MGAT5: variants seen among roughly 807,000 people sequenced by gnomAD.
MGAT5 encodes alpha-1,6-mannosylglycoprotein 6-beta-N-acetylglucosaminyltransferase A.
Under a neutral mutation model 94.3 loss-of-function variants are expected in MGAT5, and 30 were observed. That is an observed-to-expected ratio of 0.32 (90% CI 0.24 to 0.43). The LOEUF (loss-of-function observed/expected upper bound fraction) is 0.43, where lower values mean the gene tolerates loss of function less well. Among genes scored for constraint, MGAT5 ranks in the 20% least tolerant of loss-of-function variants. The probability of loss-of-function intolerance (pLI) is 1.00; values close to 1 mark genes in which losing one functional copy is unlikely to be tolerated. For missense variants in MGAT5, 691 were observed against 905.5 expected (o/e 0.76, Z 3.04); for synonymous variants, 310 against 322.9 (o/e 0.96, Z 0.43).
intron 1 of MGAT5, among the ~76,000 whole-genome samples, chr2:134,166,877 C>T (rs1040693799): frequency 6.6e-6 from 1 of 152,142 alleles, no homozygotes; most frequent in African/African-American, 2.4e-5. Flanking sequence ...AGGGAATTCA[C>T]TTAGATAAAT....
intron 1 of MGAT5, among the ~76,000 whole-genome samples, chr2:134,266,160 C>CA (rs371430614): frequency 0.44 from 48,939 of 112,380 alleles, 10,438 homozygotes; most frequent in African/African-American, 0.54. Context: ...GACTCCATCT[C>CA]AAAAAAAAAA....
At chr2:134,291,712 T>C (rs1430738063) in intron 2 of MGAT5, among the ~76,000 whole-genome samples, 1 of 152,202 alleles carries the variant, frequency 6.6e-6, no homozygotes, top group East Asian at 1.9e-4. Flanking sequence ...GAGAGCCCTG[T>C]AAGGCAAGTT....
At chr2:134,311,693 C>G (rs182118192) in intron 2 of MGAT5, among the ~76,000 whole-genome samples, 257 of 152,204 alleles carry the variant, frequency 1.7e-3, no homozygotes, top group African/African-American at 6.0e-3. Flanking sequence ...TTTTGAGATT[C>G]TTTTTGTAAC....
chr2:134,406,525 C>T (rs997138927), intron 11 of MGAT5, among the ~76,000 whole-genome samples: 2 of 152,194 alleles, frequency 1.3e-5, no homozygotes, highest in Non-Finnish European at 2.9e-5. Context: ...TCATGACTGA[C>T]TGTGCCACCC....
At chr2:134,125,811 A>G (rs1173840399) in intron 1 of MGAT5, among the ~76,000 whole-genome samples, 1 of 152,192 alleles carries the variant, frequency 6.6e-6, no homozygotes, top group Non-Finnish European at 1.5e-5. Context: ...AGTGACGTAT[A>G]TCCTTTGGAA....
In MGAT5 at chr2:134,402,977, T is replaced by C. The variant is rs1683139183; in HGVS notation, c.1381-11T>C. 1.9e-6 allele frequency: 3 copies of C among 1,580,494 alleles called. No homozygotes were observed. Among genetic ancestry groups the C allele is most frequent in the African/African-American group, 1.4e-5 (1 of 73,100 alleles). ...AAAAGAGAAATGTCTTGTGCTTGTT[T>C]TCTTCTTTAGAATAAGAAGATCTAC... On this transcript the variant is annotated splice_polypyrimidine_tract_variant and intron_variant, in intron 10 of 15. Transcript: ENST00000281923.
intron 1 of MGAT5, among the ~76,000 whole-genome samples, chr2:134,204,101 C>G (rs746141131): frequency 2.0e-5 from 3 of 152,180 alleles, no homozygotes; most frequent in Non-Finnish European, 4.4e-5. Context: ...CTTAATTAAC[C>G]ATGCTGTTTA....
intron 14 of MGAT5, among the ~76,000 whole-genome samples, chr2:134,434,714 T>G (rs1283357533): frequency 6.6e-6 from 1 of 152,142 alleles, no homozygotes; most frequent in Non-Finnish European, 1.5e-5. Context: ...CCCTATCTCC[T>G]GGAAGCCTTC....
rs1686168086 is a variant in MGAT5 at position 134,452,697 on chromosome 2, T to A, written c.*3850T>A. On this transcript the variant is annotated 3_prime_UTR_variant, in exon 16 of 16. Coordinates refer to ENST00000281923, the MANE Select transcript of MGAT5 (RefSeq NM_002410.5). ...AAAATTCTTGATTTAAAAAGAAAAG[T>A]CTATTTTGTTAACGACAGGCTCTGT... 1 of 152,194 alleles carries A rather than the reference T, an allele frequency of 6.6e-6. No homozygotes were observed. The highest frequency in any genetic ancestry group is 2.4e-5 in the African/African-American group (1 of 41,458). 9.4% of individuals were successfully genotyped at this position (152,194 alleles called of 1,614,324 possible).
At chr2:134,265,204 G>A (rs890625267) in intron 1 of MGAT5, among the ~76,000 whole-genome samples, 4 of 152,120 alleles carry the variant, frequency 2.6e-5, no homozygotes, top group South Asian at 2.1e-4. Context: ...CCTCAAATAC[G>A]GATTGATTTT....
At chr2:134,132,854 C>T (rs1458596447) in intron 1 of MGAT5, among the ~76,000 whole-genome samples, 1 of 152,224 alleles carries the variant, frequency 6.6e-6, no homozygotes, top group Non-Finnish European at 1.5e-5. Flanking sequence ...TCTCTGTTTA[C>T]TTGGAATCAA....
chr2:134,148,780 T>TTTTTG (rs1687042434), intron 1 of MGAT5, among the ~76,000 whole-genome samples: 1 of 149,948 alleles, frequency 6.7e-6, no homozygotes, highest in African/African-American at 2.5e-5. Context: ...TTTTTTTTTT[T>TTTTTG]GAGACAGAGT....
intron 2 of MGAT5, among the ~76,000 whole-genome samples, chr2:134,315,448 A>G (rs184780331): frequency 2.6e-5 from 4 of 152,216 alleles, no homozygotes; most frequent in Admixed American, 1.3e-4. Context: ...GCAAAATACT[A>G]TTCTTTGGTG....
At chr2:134,356,423 G>T (rs1480701555) in intron 9 of MGAT5, among the ~76,000 whole-genome samples, 1 of 152,100 alleles carries the variant, frequency 6.6e-6, no homozygotes, top group African/African-American at 2.4e-5. Flanking sequence ...ATGAGCGTCA[G>T]TTTAGGAGTT....
Position 134,189,602 on chromosome 2 carries a change from G to GTTTTTTTTTTGTTTTTTT in MGAT5, c.-142-64650_-142-64649insGTTTTTTTTTTTTTTTTT, listed in dbSNP as rs1689241661. On this transcript the variant is annotated intron_variant, in intron 1 of 16. Coordinates refer to the MGAT5 transcript ENST00000409645. Reference sequence around the variant, plus strand: ...AACCTCATGGCTCTAGTTTTTTTTTGTTTTTTTTTTTTTTTTTTAAGACAG... The same window carrying GTTTTTTTTTTGTTTTTTT: ...AACCTCATGGCTCTAGTTTTTTTTTGTTTTTTTTTTGTTTTTTTTTTTTTTTTTTTTTTTTTAAGACAG... Among the ~76,000 whole-genome samples the GTTTTTTTTTTGTTTTTTT allele has an allele frequency of 1.1e-3, 91 of 84,642 alleles. 4 individuals carry two copies. Among genetic ancestry groups the GTTTTTTTTTTGTTTTTTT allele is most frequent in the Non-Finnish European group, 1.4e-3 (63 of 43,570 alleles). The allele number at this position is 84,642 out of a possible 152,430, so 55.5% of individuals were successfully genotyped here.
intron 1 of MGAT5, among the ~76,000 whole-genome samples, chr2:134,131,922 C>T (rs1686196881): frequency 6.6e-6 from 1 of 152,192 alleles, no homozygotes; most frequent in African/African-American, 2.4e-5. Flanking sequence ...CATCATAGAC[C>T]AGCCAATGCC....
chr2:134,435,769 A>T (rs1478212490), intron 14 of MGAT5, among the ~76,000 whole-genome samples: 1 of 152,222 alleles, frequency 6.6e-6, no homozygotes, highest in Non-Finnish European at 1.5e-5. Flanking sequence ...TTTTCTGCCT[A>T]GTAGCAAGTA....
chr2:134,301,798 C>T (rs1339679753), intron 2 of MGAT5, among the ~76,000 whole-genome samples: 2 of 152,168 alleles, frequency 1.3e-5, no homozygotes, highest in East Asian at 1.9e-4. Context: ...TGAGCTGGAG[C>T]TCATAATTAC....
intron 2 of MGAT5, among the ~76,000 whole-genome samples, chr2:134,305,697 T>C (rs1267644854): frequency 5.3e-5 from 8 of 152,140 alleles, no homozygotes; most frequent in Non-Finnish European, 2.9e-5. Context: ...TTTGAGAGGT[T>C]GAAGTGAGAT....
Sources: allele counts gnomAD v4.1 joint callset (sites outside exome capture counted in the v4.1 genomes callset), GRCh38; gene constraint gnomAD v4.1.1; transcripts MANE v1.5; gene names NCBI Gene and HGNC (gene_info 2026-07-23, HGNC 2026-07-21).